The following DIAPH2 variants were observed in gnomAD, a reference collection of about 807,000 sequenced individuals.
The protein encoded by DIAPH2 is diaphanous related formin 2, also known as protein diaphanous homolog 2.
Under a neutral mutation model 92.7 loss-of-function variants are expected in DIAPH2, and 35 were observed. That is an observed-to-expected ratio of 0.38 (90% CI 0.29 to 0.50). DIAPH2 has a LOEUF of 0.50. Among genes scored for constraint, DIAPH2 ranks in the 20% least tolerant of loss-of-function variants. The probability of loss-of-function intolerance (pLI) is 0.94; values close to 1 mark genes in which losing one functional copy is unlikely to be tolerated. For synonymous variants in DIAPH2, 301 were observed against 280.4 expected (o/e 1.07, Z -0.73); for missense variants, 701 against 819.5 (o/e 0.86, Z 1.77).
intron 4 of DIAPH2, among the ~76,000 whole-genome samples, chrX:96,804,534 C>T (rs773938741): frequency 6.3e-5 from 7 of 111,371 alleles, no homozygotes; most frequent in Non-Finnish European, 1.1e-4. Flanking sequence ...TTTTATATAA[C>T]GCTTATTAGG....
chrX:96,940,080 G>C (rs1332668252), intron 12 of DIAPH2, among the ~76,000 whole-genome samples: 1 of 110,573 alleles, frequency 9.0e-6, no homozygotes, highest in Non-Finnish European at 1.9e-5. Flanking sequence ...CCAACAGATT[G>C]CACTGGCCCT....
chrX:97,319,666 G>A (rs773208596), intron 23 of DIAPH2, among the ~76,000 whole-genome samples: 73 of 110,919 alleles, frequency 6.6e-4, no homozygotes, highest in African/African-American at 2.4e-3. Context: ...GATAACAGGC[G>A]TGAGCCACCA....
At chrX:97,349,736 C>T (rs1243394936) in intron 24 of DIAPH2, among the ~76,000 whole-genome samples, 1 of 110,569 alleles carries the variant, frequency 9.0e-6, no homozygotes, top group Non-Finnish European at 1.9e-5. Context: ...CATAGAGACA[C>T]ATACTTTTTA....
chrX:96,870,619 T>C (rs1452502501), intron 4 of DIAPH2, among the ~76,000 whole-genome samples: 2 of 110,462 alleles, frequency 1.8e-5, no homozygotes, highest in East Asian at 5.7e-4. Context: ...ACATTTCTTT[T>C]TATTTTTCCT....
chrX:97,117,361 G>A (rs1221145226), intron 21 of DIAPH2, among the ~76,000 whole-genome samples: 2 of 111,973 alleles, frequency 1.8e-5, no homozygotes, highest in Admixed American at 9.5e-5. Context: ...AGCTACTGAT[G>A]TATGATTAGC....
intron 22 of DIAPH2, among the ~76,000 whole-genome samples, chrX:97,187,281 C>CTTATTTTTT (rs2067613352): frequency 2.7e-5 from 1 of 36,889 alleles, no homozygotes; most frequent in Non-Finnish European, 4.4e-5. Context: ...ATTAAGTAGC[C>CTTATTTTTT]TTTTTTTTTT....
At chrX:97,236,797 G>T (rs1437596580) in intron 22 of DIAPH2, among the ~76,000 whole-genome samples, 1 of 110,908 alleles carries the variant, frequency 9.0e-6, no homozygotes, top group Non-Finnish European at 1.9e-5. Flanking sequence ...ACCCGCCTCG[G>T]CCTCCCAAAG....
intron 5 of DIAPH2, chrX:96,884,223 C>G: frequency 1.2e-6 from 1 of 803,068 alleles, no homozygotes. Context: ...GTGGAGAGCT[C>G]GAAGCCTTCT....
intron 19 of DIAPH2, among the ~76,000 whole-genome samples, chrX:97,083,500 T>TTC (rs1033103489): frequency 2.8e-4 from 31 of 111,342 alleles, no homozygotes; most frequent in African/African-American, 9.8e-4. Context: ...GGGCCCATTT[T>TTC]TCTCTCTCTC....
intron 4 of DIAPH2, among the ~76,000 whole-genome samples, chrX:96,818,365 A>ATTACCCAGCAACCTCTTTTGGGG (rs2147672475): frequency 9.0e-6 from 1 of 111,037 alleles, no homozygotes; most frequent in South Asian, 3.8e-4. Context: ...TGGCAAAACC[A>ATTACCCAGCAACCTCTTTTGGGG]TTACCCAGCA....
intron 21 of DIAPH2, among the ~76,000 whole-genome samples, chrX:97,116,585 G>T (rs2067018400): frequency 8.9e-6 from 1 of 111,788 alleles, no homozygotes; most frequent in Non-Finnish European, 1.9e-5. Context: ...CTTGCCTAGA[G>T]TATATGCTAT....
intron 23 of DIAPH2, among the ~76,000 whole-genome samples, chrX:97,258,713 C>A (rs1226772702): frequency 6.8e-5 from 7 of 102,349 alleles, no homozygotes; most frequent in Non-Finnish European, 1.2e-4. Context: ...ACTAAAAATA[C>A]AAAAAAAATT....
At chrX:96,758,017 C>A (rs1269953819) in intron 3 of DIAPH2, 137 bp from the exon 4 acceptor site, 9 of 493,862 alleles carry the variant, frequency 1.8e-5, no homozygotes, top group Non-Finnish European at 2.8e-5. Flanking sequence ...GCGAAGTATC[C>A]CAAAAAAGGA....
chrX:96,998,951 G>A (rs775143521), intron 17 of DIAPH2, among the ~76,000 whole-genome samples: 45 of 112,091 alleles, frequency 4.0e-4, no homozygotes, highest in Non-Finnish European at 6.8e-4. Context: ...GATGGTATTC[G>A]TTGTAATCGT....
intron 19 of DIAPH2, among the ~76,000 whole-genome samples, chrX:97,081,172 T>C (rs2066741273): frequency 1.8e-5 from 2 of 112,230 alleles, no homozygotes; most frequent in South Asian, 7.4e-4. Context: ...GGTGGAATAA[T>C]TATGGCATGC....
At chrX:96,903,201 G>A (rs965816533) in intron 5 of DIAPH2, among the ~76,000 whole-genome samples, 5 of 110,674 alleles carry the variant, frequency 4.5e-5, no homozygotes, top group African/African-American at 1.3e-4. Context: ...ATACAAACTG[G>A]TTTAGGAGAA....
chrX:97,067,134 G>A (rs923096763), intron 17 of DIAPH2, among the ~76,000 whole-genome samples: 2 of 111,660 alleles, frequency 1.8e-5, no homozygotes, highest in Non-Finnish European at 3.8e-5. Flanking sequence ...CCTGCCTATT[G>A]CATCAGCTTT....
chrX:97,071,643 A>G (rs2066670198), intron 17 of DIAPH2, among the ~76,000 whole-genome samples: 1 of 111,404 alleles, frequency 9.0e-6, no homozygotes, highest in African/African-American at 3.2e-5. Context: ...ATTTTTCTGT[A>G]TTTTGTACCA....
At chrX:97,473,636 G>T (rs988936783) in intron 26 of DIAPH2, among the ~76,000 whole-genome samples, 1 of 112,131 alleles carries the variant, frequency 8.9e-6, no homozygotes, top group Non-Finnish European at 1.9e-5. Context: ...CGCCCAGCAA[G>T]AATATTTCTT....
Sources: gnomAD v4.1 joint callset for allele counts (sites outside exome capture counted in the v4.1 genomes callset) on GRCh38, gnomAD v4.1.1 for gene constraint, MANE v1.5 for transcripts, NCBI Gene and HGNC (gene_info 2026-07-23, HGNC 2026-07-21) for gene names.